Variants in STOX2 observed in about 807,000 individuals in gnomAD.
The protein encoded by STOX2 is storkhead box 2, also known as storkhead-box protein 2.
Under a neutral mutation model 60.9 loss-of-function variants are expected in STOX2, and 28 were observed. That is an observed-to-expected ratio of 0.46 (90% CI 0.34 to 0.63). The LOEUF is 0.63. Among genes scored for constraint, STOX2 ranks in the 30% least tolerant of loss-of-function variants. The pLI is 0.01. For missense variants in STOX2, 1,024 were observed against 1,187.7 expected (o/e 0.86, Z 2.03); for synonymous variants, 472 against 463.9 (o/e 1.02, Z -0.22).
rs138128135 is a variant in STOX2 at position 183,859,520 on chromosome 4, A to G, written c.364+61465A>G. Among the ~76,000 whole-genome samples the G allele has an allele frequency of 5.4e-4, 82 of 152,252 alleles. 1 individual carries two copies. In the East Asian group the frequency reaches 9.3e-3, roughly 17 times the overall value. On this transcript the variant is annotated intron_variant, in intron 1 of 2. Transcript: ENST00000513034. ...GGGCAGTGGGCAGCCTGGGAAGGGC[A>G]GGGGCCAGATGGTGGGTGTTGGTGT...
intron 1 of STOX2, among the ~76,000 whole-genome samples, chr4:183,973,207 C>G (rs1265070975): frequency 6.6e-6 from 1 of 152,122 alleles, no homozygotes; most frequent in African/African-American, 2.4e-5. Flanking sequence ...AAGACGTAAG[C>G]TTTTAAATTT....
Position 184,016,788 on chromosome 4 carries a change from C to G in STOX2, c.2586-301C>G, listed in dbSNP as rs139213003. Among the ~76,000 whole-genome samples, 1,125 of 152,178 alleles carry G rather than the reference C, an allele frequency of 7.4e-3. 8 individuals carry two copies. The highest frequency in any genetic ancestry group is 0.012 in the Non-Finnish European group (825 of 68,006). ...AACCACTGTGATAGCTAGCTATCAC[C>G]TCAAATTTTGAAGTCGTTTCGTTGA... On this transcript the variant is annotated intron_variant, in intron 3 of 3. Transcript: ENST00000308497.
rs550907645 is a variant in STOX2, at chr4:183,806,920, C to A, written c.364+8865C>A. Among the ~76,000 whole-genome samples the A allele has an allele frequency of 1.6e-4, 24 of 152,242 alleles. No homozygotes were observed. Among genetic ancestry groups the A allele is most frequent in the Non-Finnish European group, 3.1e-4 (21 of 68,020 alleles). Reference sequence around the variant, plus strand: ...GCCCCCACGGCCCCACAGCTCGAAGCCCCCATGCCTGGAGGGGGCCTTTGT... The same window carrying A: ...GCCCCCACGGCCCCACAGCTCGAAGACCCCATGCCTGGAGGGGGCCTTTGT... On this transcript the variant is annotated intron_variant, in intron 1 of 2. Transcript: ENST00000513034. The surrounding 1 kb of genome is among the most constrained non-coding windows in gnomAD (Gnocchi z 4.1).
At chr4:183,948,540 C>CTCTTTTTT (rs1742971133) in intron 1 of STOX2, among the ~76,000 whole-genome samples, 1 of 78,182 alleles carries the variant, frequency 1.3e-5, no homozygotes, top group Non-Finnish European at 2.3e-5. Flanking sequence ...ATGCCTTATC[C>CTCTTTTTT]TTTTTTTTTT....
At position 183,865,450 on chromosome 4, in the gene STOX2, T is replaced by G. The variant is rs933829791; in HGVS notation, c.364+67395T>G. On this transcript the variant is annotated intron_variant, in intron 1 of 2. Coordinates refer to the STOX2 transcript ENST00000513034. This position sits in a 1 kb window ranked among gnomAD's most constrained non-coding sequence, Gnocchi z 4.1. Reference sequence around the variant, plus strand: ...TAAGCACATAGAGGGTGTCAGCATCTATGAATAAAAAGCCCGTATTTTCTC... The same window carrying G: ...TAAGCACATAGAGGGTGTCAGCATCGATGAATAAAAAGCCCGTATTTTCTC... Among the ~76,000 whole-genome samples, 1 of 152,176 alleles carries G rather than the reference T, an allele frequency of 6.6e-6. No individual in the cohort carries two copies. The highest frequency in any genetic ancestry group is 1.5e-5 in the Non-Finnish European group (1 of 68,032).
chr4:183,826,553 A>G (rs1038663178), intron 1 of STOX2, among the ~76,000 whole-genome samples: 1 of 152,154 alleles, frequency 6.6e-6, no homozygotes, highest in African/African-American at 2.4e-5. Context: ...CACTCCTTTC[A>G]AATACGAGCC....
intron 1 of STOX2, among the ~76,000 whole-genome samples, chr4:183,816,553 C>G (rs1739158832): frequency 6.6e-6 from 1 of 152,020 alleles, no homozygotes; most frequent in East Asian, 1.9e-4. Flanking sequence ...ACTGTATTCA[C>G]TATTTGGGTG....
At position 183,810,033 on chromosome 4, in the gene STOX2, G is replaced by C. The variant is rs574604712; in HGVS notation, c.364+11978G>C. 2.8e-4 allele frequency among the ~76,000 whole-genome samples: 43 copies of C among 152,294 alleles called. 1 individual carries two copies. Among genetic ancestry groups the C allele is most frequent in the African/African-American group, 9.9e-4 (41 of 41,558 alleles). On this transcript the variant is annotated intron_variant, in intron 1 of 2. Transcript: ENST00000513034. ...ACTGAATTCATAGAGCATAACTCTC[G>C]AATGTTCACTGCCATTTTTACCTAT...
At chr4:183,861,192 C>A (rs1740433044) in intron 1 of STOX2, among the ~76,000 whole-genome samples, 1 of 152,178 alleles carries the variant, frequency 6.6e-6, no homozygotes, top group South Asian at 2.1e-4. Flanking sequence ...AAACACAGAA[C>A]CTGGTCAGAT....
At chr4:183,817,805 G>A (rs757935782) in intron 1 of STOX2, among the ~76,000 whole-genome samples, 54 of 152,176 alleles carry the variant, frequency 3.5e-4, no homozygotes, top group Admixed American at 2.5e-3. Context: ...CGAGGTTTGG[G>A]AAGAGGAATT....
rs1234588091 is a variant in STOX2, at chr4:184,010,998, C to T, written c.2160C>T (p.Ser720=). 3.7e-6 allele frequency: 6 copies of T among 1,613,290 alleles called. No individual in the cohort carries two copies. The highest frequency in any genetic ancestry group is 5.1e-6 in the Non-Finnish European group (6 of 1,179,638). Residue 720 remains serine, a synonymous_variant, in exon 3 of 4, where the codon AGC becomes AGT. Coordinates refer to ENST00000308497, the MANE Select transcript of STOX2 (RefSeq NM_020225.3). The surrounding 1 kb of genome is among the most constrained non-coding windows in gnomAD (Gnocchi z 4.5). ...CTGTAAACAGCTATCACAAGTCGAG[C>T]CTGTCCCTCCTCAAATCTCACCCGA... ...TLSVNSYHKS[S]LSLLKSHPKT...
chr4:183,817,388 C>G (rs367819672), intron 1 of STOX2, among the ~76,000 whole-genome samples: 1 of 152,130 alleles, frequency 6.6e-6, no homozygotes, highest in Non-Finnish European at 1.5e-5. Flanking sequence ...CCTTTGCTGG[C>G]GATCAGTGGG....
chr4:184,001,358 G>A lies in STOX2; in HGVS notation c.200G>A (p.Ser67Asn). 1 of 1,613,928 alleles carries A rather than the reference G, an allele frequency of 6.2e-7. No homozygotes were observed. Among genetic ancestry groups the A allele is most frequent in the Admixed American group, 1.7e-5 (1 of 60,028 alleles). Residue 67 changes from serine to asparagine, a missense_variant, in exon 2 of 4, where the codon AGT becomes AAT. By Grantham distance (46) the Ser-to-Asn change is conservative. Coordinates refer to ENST00000308497, the MANE Select transcript of STOX2 (RefSeq NM_020225.3). The surrounding 1 kb of genome is among the most constrained non-coding windows in gnomAD (Gnocchi z 4.2). ...TCACCCATCAGTATGTCTCCCATCAGTCAGTCTCAGTTTATTCCACTCGGG... is the reference window on the plus strand; with the variant it reads ...TCACCCATCAGTATGTCTCCCATCAATCAGTCTCAGTTTATTCCACTCGGG... ...DVSPISMSPI[S>N]QSQFIPLGEI...
chr4:183,943,769 C>T (rs561766964), intron 1 of STOX2, among the ~76,000 whole-genome samples: 2 of 152,254 alleles, frequency 1.3e-5, no homozygotes, highest in Admixed American at 6.5e-5. Context: ...CCCAGCTACG[C>T]GGGAGGCTGA....
intron 1 of STOX2, among the ~76,000 whole-genome samples, chr4:183,929,487 G>C (rs1328181192): frequency 1.3e-5 from 2 of 152,128 alleles, no homozygotes; most frequent in African/African-American, 4.8e-5. Context: ...GTGGAGTTTG[G>C]GGACATAATT....
intron 1 of STOX2, among the ~76,000 whole-genome samples, chr4:183,918,503 G>C (rs1435081625): frequency 6.6e-6 from 1 of 152,232 alleles, no homozygotes; most frequent in Non-Finnish European, 1.5e-5. Flanking sequence ...TGCGAGTTCA[G>C]CTGCGTGTTT....
intron 1 of STOX2, among the ~76,000 whole-genome samples, chr4:183,990,399 A>G (rs1029859875): frequency 6.6e-6 from 1 of 152,076 alleles, no homozygotes; most frequent in Non-Finnish European, 1.5e-5. Flanking sequence ...TGTATATTTC[A>G]TGATGCTTTA....
chr4:183,900,288 T>C (rs941397136), intron 1 of STOX2, among the ~76,000 whole-genome samples: 2 of 152,182 alleles, frequency 1.3e-5, no homozygotes, highest in African/African-American at 4.8e-5. Flanking sequence ...CAGTAGCCCA[T>C]GGATTAAGGA....
intron 1 of STOX2, among the ~76,000 whole-genome samples, chr4:183,843,978 A>G (rs1297569021): frequency 1.3e-5 from 2 of 152,170 alleles, no homozygotes; most frequent in African/African-American, 4.8e-5. Flanking sequence ...AATTATGTTT[A>G]CTTTTCTTTA....
Sources: allele counts gnomAD v4.1 joint callset (sites outside exome capture counted in the v4.1 genomes callset), GRCh38; gene constraint gnomAD v4.1.1; non-coding constraint Gnocchi (gnomAD v3.1); transcripts MANE v1.5; gene names NCBI Gene and HGNC (gene_info 2026-07-23, HGNC 2026-07-21).